AKAP13: variants seen among roughly 807,000 people sequenced by gnomAD.
AKAP13 encodes the protein A-kinase anchoring protein 13, also known as A-kinase anchor protein 13.
In AKAP13, 80 loss-of-function variants were observed where a neutral mutation model predicts 264.5. That is an observed-to-expected ratio of 0.30 (90% confidence interval 0.25 to 0.36). The LOEUF is 0.36. Ranked by LOEUF, AKAP13 falls within the 10% of genes least tolerant of loss-of-function variation. The probability of loss-of-function intolerance (pLI) is 1.00; values close to 1 mark genes in which losing one functional copy is unlikely to be tolerated. For synonymous variants in AKAP13, 1,380 were observed against 1,250.2 expected (o/e 1.10, Z -2.19); for missense variants, 3,712 against 3,435.2 (o/e 1.08, Z -2.01).
At chr15:85,620,232 C>A in intron 8 of AKAP13, 1 of 1,489,950 alleles carries the variant, frequency 6.7e-7, no homozygotes, top group Non-Finnish European at 9.0e-7. Context: ...GCGCTTTGAA[C>A]CCGGTAGCCA....
In AKAP13 at chr15:85,477,636, G is replaced by GAAAAAAAAAA. The variant is rs1567077572; in HGVS notation, c.-11-8074_-11-8073insAAAAAAAAAA. On this transcript the variant is annotated intron_variant, in intron 1 of 36. Transcript: ENST00000394518. ...GAAATTTGAACTGAGCTTAAAAAAAGGAAAAAAAAAAAAAAAAAAAAAGGC... is the reference window on the plus strand; with the variant it reads ...GAAATTTGAACTGAGCTTAAAAAAAGAAAAAAAAAAGAAAAAAAAAAAAAAAAAAAAAGGC... Among the ~76,000 whole-genome samples the GAAAAAAAAAA allele has an allele frequency of 2.3e-4, 8 of 34,300 alleles. 2 individuals carry two copies. The highest frequency in any genetic ancestry group is 2.9e-4 in the Non-Finnish European group (4 of 13,922). 22.5% of individuals were successfully genotyped at this position (34,300 alleles called of 152,430 possible).
chr15:85,455,293 C>T (rs943354890), intron 1 of AKAP13, among the ~76,000 whole-genome samples: 8 of 151,956 alleles, frequency 5.3e-5, no homozygotes, highest in African/African-American at 7.3e-5. Context: ...GAAGAGTTGG[C>T]GTTGCCTGTA....
At chr15:85,690,923 G>A (rs570253653) in intron 16 of AKAP13, among the ~76,000 whole-genome samples, 1 of 152,290 alleles carries the variant, frequency 6.6e-6, no homozygotes, top group Admixed American at 6.5e-5. Flanking sequence ...ATAATACCTA[G>A]TATTATCATT....
chr15:85,400,029 C>A (rs904697524), intron 1 of AKAP13, among the ~76,000 whole-genome samples: 1 of 152,176 alleles, frequency 6.6e-6, no homozygotes, highest in Non-Finnish European at 1.5e-5. Flanking sequence ...AAACTCTTGG[C>A]CTCAAGTGAT....
At chr15:85,742,261 T>G (rs920816031) in intron 35 of AKAP13, among the ~76,000 whole-genome samples, 1 of 152,192 alleles carries the variant, frequency 6.6e-6, no homozygotes, top group Non-Finnish European at 1.5e-5. Context: ...TCCAGGATTT[T>G]AGGAGCAACG....
chr15:85,553,062 A>T lies in AKAP13; in HGVS notation c.662+9107A>T, dbSNP rs937192241. On this transcript the variant is annotated intron_variant, in intron 5 of 36. Coordinates refer to ENST00000394518, the MANE Select transcript of AKAP13 (RefSeq NM_007200.5). ...ATAAAAAGTTAAATCTAGAGTTTTA[A>T]TATAATCTAACATCTGTAATTCTTT... 8.0e-4 allele frequency among the ~76,000 whole-genome samples: 121 copies of T among 151,142 alleles called. 1 individual carries two copies. The highest frequency in any genetic ancestry group is 4.6e-4 in the Admixed American group (7 of 15,158).
At chr15:85,534,163 G>C in intron 4 of AKAP13, 2 of 421,530 alleles carry the variant, frequency 4.7e-6, no homozygotes, top group East Asian at 3.5e-5. Flanking sequence ...CTCAAGTGTA[G>C]AAAGTGACAT....
At chr15:85,508,451 A>AT (rs55848237) in intron 2 of AKAP13, among the ~76,000 whole-genome samples, 37,265 of 151,542 alleles carry the variant, frequency 0.25, 6,044 homozygotes, top group Middle Eastern at 0.4. Context: ...CCTTGTGTAG[A>AT]TTTTTTTAAA....
At position 85,743,552 on chromosome 15, in the gene AKAP13, C is replaced by G; in HGVS notation, c.8119C>G (p.Pro2707Ala). ...ATCGTTCTTCCCCAGTCCTGAGGAG[C>G]CCCCCTCGCCATCTGCACCTTCCAT... ...IPSFFPSPEEPPSPSAPSIAK... is the reference protein window; with the variant it reads ...IPSFFPSPEEAPSPSAPSIAK... Residue 2707 changes from proline (P) to alanine (A), a missense_variant, in exon 36 of 37, where the codon CCC becomes GCC. Physicochemically the swap from Pro to Ala is conservative, Grantham distance 27 (BLOSUM62 -1). Transcript: ENST00000394518. 1 of 1,614,154 alleles carries G rather than the reference C, an allele frequency of 6.2e-7. No homozygotes were observed. Among genetic ancestry groups the G allele is most frequent in the South Asian group, 1.1e-5 (1 of 91,078 alleles).
At chr15:85,740,927 A>G (rs972008259) in intron 34 of AKAP13, 119 bp from the exon 35 acceptor site, 31 of 1,459,190 alleles carry the variant, frequency 2.1e-5, no homozygotes, top group Non-Finnish European at 2.8e-5. Flanking sequence ...TTGAAAAATG[A>G]GGGGAGAGTT....
intron 4 of AKAP13, among the ~76,000 whole-genome samples, chr15:85,537,524 G>C (rs1338975832): frequency 6.6e-6 from 1 of 152,206 alleles, no homozygotes; most frequent in Non-Finnish European, 1.5e-5. Context: ...AAATTGCTCA[G>C]ATTTCTCCTC....
chr15:85,394,585 A>G (rs1279259980), intron 1 of AKAP13, among the ~76,000 whole-genome samples: 4 of 152,176 alleles, frequency 2.6e-5, no homozygotes, highest in Non-Finnish European at 5.9e-5. Context: ...ATACTTTGCT[A>G]GTTTCCTCAC....
At chr15:85,399,525 A>C (rs201278806) in intron 1 of AKAP13, among the ~76,000 whole-genome samples, 1 of 102,136 alleles carries the variant, frequency 9.8e-6, no homozygotes, top group Admixed American at 1.0e-4. Context: ...AAAAAAAATA[A>C]AAAAATAAAA....
intron 8 of AKAP13, among the ~76,000 whole-genome samples, chr15:85,633,508 G>T (rs940108576): frequency 5.6e-5 from 8 of 143,602 alleles, no homozygotes; most frequent in African/African-American, 1.7e-4. Context: ...GAAATTAAGA[G>T]AAAATTCTCT....
At position 85,655,801 on chromosome 15, in the gene AKAP13, C is replaced by G. The variant is rs748611699; in HGVS notation, c.4745+14C>G. ...GAACCACCGGAGGTGAGATGGGAGG[C>G]GGTTTGTTTAGTGTCTCAGTGTCTG... is the stretch of plus-strand genomic sequence containing the variant. On this transcript the variant is annotated intron_variant, in intron 11 of 36. Transcript: ENST00000394518. 2 of 1,595,832 alleles carry G rather than the reference C, an allele frequency of 1.3e-6. No individual in the cohort carries two copies. The highest frequency in any genetic ancestry group is 4.5e-5 in the East Asian group (2 of 44,502).
chr15:85,620,136 C>A (rs1172038132), intron 8 of AKAP13: 3 of 1,536,076 alleles, frequency 2.0e-6, no homozygotes, highest in Admixed American at 3.9e-5. Context: ...GTGACATCTC[C>A]AAGGTGGACA....
At chr15:85,386,482 G>T (rs975039091) in intron 1 of AKAP13, among the ~76,000 whole-genome samples, 5 of 151,468 alleles carry the variant, frequency 3.3e-5, no homozygotes, top group Non-Finnish European at 7.4e-5. Flanking sequence ...TAGTGATGGG[G>T]TTTCACCATG....
At chr15:85,542,567 G>A (rs758045928) in intron 4 of AKAP13, among the ~76,000 whole-genome samples, 4 of 152,182 alleles carry the variant, frequency 2.6e-5, no homozygotes, top group Admixed American at 6.5e-5. Context: ...TTAGACCCGT[G>A]GGAGGCCATG....
In AKAP13 at chr15:85,409,882, C is replaced by T. The variant is rs887799366; in HGVS notation, c.-12+29084C>T. Among the ~76,000 whole-genome samples, 9 of 151,454 alleles carry T rather than the reference C, an allele frequency of 5.9e-5. No individual in the cohort carries two copies. In the South Asian group the frequency reaches 1.7e-3, roughly 28 times the overall value. On this transcript the variant is annotated intron_variant, in intron 1 of 36. Coordinates refer to ENST00000394518, the MANE Select transcript of AKAP13 (RefSeq NM_007200.5). ...TCCTGACCTCATGATCCGTCCGCCT[C>T]GGCCTCCCAAAGTGCTGGGATTACA...
Sources: gnomAD v4.1 joint callset for allele counts (sites outside exome capture counted in the v4.1 genomes callset) on GRCh38, gnomAD v4.1.1 for gene constraint, MANE v1.5 for transcripts, NCBI Gene and HGNC (gene_info 2026-07-23, HGNC 2026-07-21) for gene names.